The following FKBP6 variants were observed in gnomAD, a reference collection of about 807,000 sequenced individuals.
FKBP6 encodes the protein inactive peptidyl-prolyl cis-trans isomerase FKBP6.
In FKBP6, 29 loss-of-function variants were observed where a neutral mutation model predicts 41.7. The observed-to-expected ratio is 0.70, with a 90% CI of 0.52 to 0.95. The LOEUF is 0.95. Ranked by LOEUF, FKBP6 falls within the 40% of genes least tolerant of loss-of-function variation. FKBP6 has a pLI of 0.00. For synonymous variants in FKBP6, 130 were observed against 165.1 expected (o/e 0.79, Z 1.63); for missense variants, 338 against 408.7 (o/e 0.83, Z 1.49).
At chr7:73,331,405 G>A (rs1804837092) in intron 4 of FKBP6, among the ~76,000 whole-genome samples, 1 of 152,194 alleles carries the variant, frequency 6.6e-6, no homozygotes, top group Admixed American at 6.5e-5. Context: ...TAACACTGGT[G>A]TGGCTTCTGT....
chr7:73,329,210 G>A, intron 2 of FKBP6, 150 bp from the exon 3 acceptor site: 1 of 745,078 alleles, frequency 1.3e-6, no homozygotes. Flanking sequence ...CACCCAAAAT[G>A]CAGAGAGAAG....
intron 8 of FKBP6, among the ~76,000 whole-genome samples, chr7:73,345,895 G>A (rs2115927922): frequency 6.6e-6 from 1 of 152,250 alleles, no homozygotes; most frequent in South Asian, 2.1e-4. Flanking sequence ...GGCATCTCGG[G>A]AGCTGGTGCA....
At position 73,340,798 on chromosome 7, in the gene FKBP6, A is replaced by G. The variant is rs1554549376; in HGVS notation, c.749A>G (p.Gln250Arg). ...CYGEQALIID[Q>R]KNAKALFRCG... ...GGAGAGCAGGCTTTGATCATTGACC[A>G]AAAGAATGCCAAGGCCCTCTTCAGG... Residue 250 changes from glutamine (Q) to arginine (R), a missense_variant, in exon 6 of 9, where the codon CAA becomes CGA. By Grantham distance (43) the Gln-to-Arg change is conservative. Transcript: ENST00000252037. The G allele has an allele frequency of 1.9e-6, 3 of 1,614,086 alleles. No homozygotes were observed. Among genetic ancestry groups the G allele is most frequent in the East Asian group, 2.2e-5 (1 of 44,878 alleles).
intron 5 of FKBP6, chr7:73,337,165 C>T: frequency 4.4e-6 from 1 of 227,816 alleles, no homozygotes; most frequent in South Asian, 5.3e-5. Flanking sequence ...GAGCTGAATC[C>T]ATTCAGAAGG....
At chr7:73,335,373 T>C (rs1437247919) in intron 5 of FKBP6, among the ~76,000 whole-genome samples, 1 of 152,206 alleles carries the variant, frequency 6.6e-6, no homozygotes, top group African/African-American at 2.4e-5. Context: ...TCAGGGTCCA[T>C]TGAGTCCTCC....
rs116538227 is a variant in FKBP6 at position 73,342,086 on chromosome 7, G to A, written c.893+704G>A. 9.0e-3 allele frequency among the ~76,000 whole-genome samples: 1,365 copies of A among 151,988 alleles called. 31 individuals carry two copies. The highest frequency in any genetic ancestry group is 0.031 in the African/African-American group (1,284 of 41,448). On this transcript the variant is annotated intron_variant, in intron 7 of 8. Coordinates refer to ENST00000252037, the MANE Select transcript of FKBP6 (RefSeq NM_003602.5). ...GGTCCTCATGTGACCAGAAACAGGCGTTTCGGGTCTGACTCATACCCATGG... is the reference window on the plus strand; with the variant it reads ...GGTCCTCATGTGACCAGAAACAGGCATTTCGGGTCTGACTCATACCCATGG...
chr7:73,353,041 C>T (rs1272224000), intron 8 of FKBP6, among the ~76,000 whole-genome samples: 10 of 152,160 alleles, frequency 6.6e-5, no homozygotes, highest in South Asian at 4.1e-4. Context: ...CCTTCCTCTT[C>T]TTCAAAGACA....
chr7:73,353,009 C>T (rs1805531712), intron 8 of FKBP6, among the ~76,000 whole-genome samples: 1 of 152,152 alleles, frequency 6.6e-6, no homozygotes, highest in African/African-American at 2.4e-5. Context: ...GAGAGGCTGC[C>T]TGCATTTCTT....
intron 8 of FKBP6, among the ~76,000 whole-genome samples, chr7:73,347,080 G>A (rs1240475879): frequency 1.3e-5 from 2 of 152,134 alleles, no homozygotes; most frequent in Admixed American, 6.5e-5. Context: ...CCACCCACAC[G>A]GTCAGCTTAC....
At chr7:73,336,959 C>A in intron 5 of FKBP6, 1 of 300,032 alleles carries the variant, frequency 3.3e-6, no homozygotes, top group African/African-American at 2.2e-5. Flanking sequence ...CTTGAAACTT[C>A]CTGGTCTGAG....
Position 73,328,197 on chromosome 7 carries a change from C to T in FKBP6, c.-232C>T, listed in dbSNP as rs1804692750. The stretch of plus-strand genomic sequence containing the variant: ...TGCGCTCCCATTACGGATCATACCT[C>T]GCACCTCACCGCGTGGCCTCTGTAG... On this transcript the variant is annotated 5_prime_UTR_variant, in exon 1 of 9. Transcript: ENST00000252037. 4.5e-6 allele frequency: 7 copies of T among 1,547,980 alleles called. No homozygotes were observed. Among genetic ancestry groups the T allele is most frequent in the Admixed American group, 2.0e-5 (1 of 50,994 alleles).
At chr7:73,337,032 A>AC (rs1805026706) in intron 5 of FKBP6, 1 of 343,524 alleles carries the variant, frequency 2.9e-6, no homozygotes, top group Non-Finnish European at 5.7e-6. Context: ...TTGATTACTC[A>AC]TGGGAATGAG....
chr7:73,352,139 T>G (rs1394703522), intron 8 of FKBP6, among the ~76,000 whole-genome samples: 1 of 152,152 alleles, frequency 6.6e-6, no homozygotes, highest in Admixed American at 6.5e-5. Flanking sequence ...CTGATTTTTT[T>G]TATTTTGTAA....
At chr7:73,346,251 G>A (rs573057020) in intron 8 of FKBP6, among the ~76,000 whole-genome samples, 12 of 152,330 alleles carry the variant, frequency 7.9e-5, no homozygotes, top group East Asian at 3.9e-4. Flanking sequence ...CGCGTGGCCC[G>A]CCTTCACACT....
At chr7:73,348,677 C>T (rs1053477716) in intron 8 of FKBP6, among the ~76,000 whole-genome samples, 1 of 152,222 alleles carries the variant, frequency 6.6e-6, no homozygotes, top group Non-Finnish European at 1.5e-5. Context: ...TCCAGGTTGT[C>T]CCTGTGCTTC....
At chr7:73,341,165 C>G in intron 6 of FKBP6, 108 bp from the exon 7 acceptor site, 1 of 830,948 alleles carries the variant, frequency 1.2e-6, no homozygotes, top group South Asian at 1.3e-5. Flanking sequence ...CTCAGTTGAT[C>G]CGCCCGCCTT....
At chr7:73,333,088 G>A (rs535734176) in intron 5 of FKBP6, among the ~76,000 whole-genome samples, 16 of 151,710 alleles carry the variant, frequency 1.1e-4, no homozygotes, top group Middle Eastern at 3.4e-3. Flanking sequence ...CCTGGGCAAC[G>A]TGGCGAAACC....
At chr7:73,353,770 A>G (rs1284665998) in intron 8 of FKBP6, among the ~76,000 whole-genome samples, 10 of 143,260 alleles carry the variant, frequency 7.0e-5, no homozygotes, top group South Asian at 2.2e-4. Context: ...GTCTCGCTCT[A>G]TTGCCCAGCC....
intron 5 of FKBP6, among the ~76,000 whole-genome samples, chr7:73,333,988 C>T (rs942944557): frequency 1.3e-5 from 2 of 152,088 alleles, no homozygotes; most frequent in Non-Finnish European, 1.5e-5. Flanking sequence ...AGGATAATTG[C>T]TTGAACCCGG....
Sources: gnomAD v4.1 joint callset for allele counts (sites outside exome capture counted in the v4.1 genomes callset) on GRCh38, gnomAD v4.1.1 for gene constraint, MANE v1.5 for transcripts, NCBI Gene and HGNC (gene_info 2026-07-23, HGNC 2026-07-21) for gene names.